Variants in CDC25A observed in about 807,000 individuals in gnomAD.
The protein encoded by CDC25A is cell division cycle 25A.
CDC25A carries 17 observed loss-of-function variants against 64.6 expected under a neutral mutation model. The ratio of observed to expected loss-of-function variants is 0.26; its 90% confidence interval spans 0.18 to 0.39. The LOEUF is 0.39. Ranked by LOEUF, CDC25A falls within the 10% of genes least tolerant of loss-of-function variation. The pLI, the probability that CDC25A is intolerant of heterozygous loss-of-function variation, is 1.00. For synonymous variants in CDC25A, 229 were observed against 238.6 expected (o/e 0.96, Z 0.37); for missense variants, 473 against 654.8 (o/e 0.72, Z 3.03).
At chr3:48,184,303 A>C (rs936418725) in intron 3 of CDC25A, among the ~76,000 whole-genome samples, 3 of 152,248 alleles carry the variant, frequency 2.0e-5, no homozygotes, top group Admixed American at 1.3e-4. Context: ...TGGAGGTTGC[A>C]GTGAGCCACT....
At chr3:48,166,282 CAAA>C (rs949609213) in intron 10 of CDC25A, among the ~76,000 whole-genome samples, 20 of 152,056 alleles carry the variant, frequency 1.3e-4, no homozygotes, top group Admixed American at 9.8e-4. Context: ...GACTCCCTCT[CAAA>C]AAACAAACAA....
chr3:48,177,051 T>A (rs936566429), intron 8 of CDC25A, among the ~76,000 whole-genome samples: 4 of 151,894 alleles, frequency 2.6e-5, no homozygotes, highest in Non-Finnish European at 4.4e-5. Context: ...CTAGGTTCTG[T>A]GGAATATAAA....
Position 48,158,337 on chromosome 3 carries a change from C to G in CDC25A, c.*608G>C, listed in dbSNP as rs1363646923. 1 of 152,406 alleles carries G rather than the reference C, an allele frequency of 6.6e-6. No individual in the cohort carries two copies. Among genetic ancestry groups the G allele is most frequent in the Non-Finnish European group, 1.5e-5 (1 of 67,984 alleles). The allele number at this position is 152,406 out of a possible 1,614,324, so 9.4% of individuals were successfully genotyped here. ...TAGCTTTCTGTCCGATAACTTATAA[C>G]AGGTTTGCATTTTCTTACCCACTTC... On this transcript the variant is annotated 3_prime_UTR_variant, in exon 15 of 15. Coordinates refer to ENST00000302506, the MANE Select transcript of CDC25A (RefSeq NM_001789.3).
chr3:48,184,043 A>G (rs1213893895), intron 3 of CDC25A, among the ~76,000 whole-genome samples: 1 of 151,968 alleles, frequency 6.6e-6, no homozygotes. Context: ...AAACAAACCC[A>G]TGTCTTTTCT....
chr3:48,159,270 G>A (rs2031649374), intron 14 of CDC25A, 74 bp downstream of exon 14: 2 of 1,311,088 alleles, frequency 1.5e-6, no homozygotes, highest in Non-Finnish European at 1.1e-6. Flanking sequence ...AGAAAGTCAT[G>A]ACCACCAGAC....
intron 4 of CDC25A, 89 bp downstream of exon 4, chr3:48,183,711 C>A: frequency 1.2e-6 from 1 of 817,882 alleles, no homozygotes; most frequent in Admixed American, 2.0e-5. Flanking sequence ...AGTTTTTACT[C>A]TCTAAATTAA....
chr3:48,165,574 C>A (rs1244571976), intron 12 of CDC25A, 62 bp downstream of exon 12: 2 of 1,170,864 alleles, frequency 1.7e-6, no homozygotes, highest in East Asian at 2.3e-5. Context: ...ACTGTCCTCC[C>A]CACTTTAAAA....
chr3:48,170,067 T>C (rs2032211112), intron 9 of CDC25A, among the ~76,000 whole-genome samples: 1 of 151,854 alleles, frequency 6.6e-6, no homozygotes, highest in South Asian at 2.1e-4. Flanking sequence ...TATGTTTGTG[T>C]GAGGAAAACA....
chr3:48,167,016 T>C (rs1172153059), intron 10 of CDC25A, among the ~76,000 whole-genome samples: 1 of 152,188 alleles, frequency 6.6e-6, no homozygotes, highest in Non-Finnish European at 1.5e-5. Flanking sequence ...GGCTGAAATA[T>C]CAACGGCCCA....
intron 13 of CDC25A, among the ~76,000 whole-genome samples, chr3:48,162,428 A>G (rs548188848): frequency 9.1e-4 from 138 of 152,058 alleles, no homozygotes; most frequent in Middle Eastern, 3.4e-3. Context: ...GTGTGGTCCC[A>G]CTGTGTTACC....
chr3:48,159,186 G>C (rs375805464), intron 14 of CDC25A, 101 bp from the exon 15 acceptor site: 1 of 1,442,992 alleles, frequency 6.9e-7, no homozygotes, highest in Non-Finnish European at 9.5e-7. Context: ...CGGCCAGGCA[G>C]ACCTAGGGAG....
intron 8 of CDC25A, 33 bp from the exon 9 acceptor site, chr3:48,174,490 T>C (rs745619815): frequency 2.5e-6 from 4 of 1,590,156 alleles, no homozygotes; most frequent in Middle Eastern, 3.3e-4. Flanking sequence ...GACCCATCTT[T>C]CATTAAAACC....
chr3:48,168,881 G>C (rs549313017), intron 9 of CDC25A, among the ~76,000 whole-genome samples: 1 of 152,128 alleles, frequency 6.6e-6, no homozygotes, highest in Non-Finnish European at 1.5e-5. Context: ...TGAACTCCTG[G>C]CCTCAGGTGA....
chr3:48,168,486 G>A (rs1275787722), intron 9 of CDC25A, among the ~76,000 whole-genome samples: 1 of 151,758 alleles, frequency 6.6e-6, no homozygotes, highest in African/African-American at 2.4e-5. Flanking sequence ...AGCCTGGGGA[G>A]GTCGAGGCTA....
At chr3:48,161,715 A>T (rs909786434) in intron 13 of CDC25A, among the ~76,000 whole-genome samples, 8 of 148,286 alleles carry the variant, frequency 5.4e-5, no homozygotes, top group Admixed American at 1.3e-4. Context: ...ACTCAAAAAT[A>T]AAAAAAAAAG....
At chr3:48,177,053 G>A (rs1373627650) in intron 8 of CDC25A, among the ~76,000 whole-genome samples, 1 of 152,026 alleles carries the variant, frequency 6.6e-6, no homozygotes, top group African/African-American at 2.4e-5. Context: ...AGGTTCTGTG[G>A]AATATAAATG....
In CDC25A at chr3:48,183,800, A is replaced by T; in HGVS notation, c.327T>A (p.Pro109=). The change falls in exon 4 of 15, where the codon CCT becomes CCA. Residue 109 remains proline, a splice_region_variant and synonymous_variant. Coordinates refer to ENST00000302506, the MANE Select transcript of CDC25A (RefSeq NM_001789.3). Reference sequence around the variant, plus strand: ...CAAAATAAACAAGGAACTAACTTACAGGTAGGGAATGTATTCTTCTCATAG... The same window carrying T: ...CAAAATAAACAAGGAACTAACTTACTGGTAGGGAATGTATTCTTCTCATAG... ...ENPMRRIHSL[P]QKLLGCSPAL... The T allele has an allele frequency of 6.3e-7, 1 of 1,576,476 alleles. No homozygotes were observed. The highest frequency in any genetic ancestry group is 8.7e-7 in the Non-Finnish European group (1 of 1,146,390).
chr3:48,179,741 T>C (rs917307482), intron 6 of CDC25A, among the ~76,000 whole-genome samples: 1 of 152,184 alleles, frequency 6.6e-6, no homozygotes, highest in Admixed American at 6.5e-5. Context: ...AGTGGTACTT[T>C]CCTAATCTGT....
chr3:48,186,891 T>C, intron 1 of CDC25A, 112 bp from the exon 2 acceptor site: 1 of 694,904 alleles, frequency 1.4e-6, no homozygotes, highest in East Asian at 2.9e-5. Flanking sequence ...AAACCATTTC[T>C]AGGCCACACC....
Sources: gnomAD v4.1 joint callset for allele counts (sites outside exome capture counted in the v4.1 genomes callset) on GRCh38, gnomAD v4.1.1 for gene constraint, MANE v1.5 for transcripts, NCBI Gene and HGNC (gene_info 2026-07-23, HGNC 2026-07-21) for gene names.